PPP2R2A: variants seen among roughly 807,000 people sequenced by gnomAD.
PPP2R2A encodes serine/threonine-protein phosphatase 2A 55 kDa regulatory subunit B alpha isoform.
A neutral mutation model predicts 53.2 loss-of-function variants in PPP2R2A; 9 were observed. That is an observed-to-expected ratio of 0.17 (90% confidence interval 0.10 to 0.30). PPP2R2A has a LOEUF of 0.30. Ranked by LOEUF, PPP2R2A falls within the 10% of genes least tolerant of loss-of-function variation. The pLI is 1.00. For synonymous variants in PPP2R2A, 169 were observed against 174.2 expected, an observed-to-expected ratio of 0.97 and a Z score of 0.23; for missense variants, 235 against 534.6, an observed-to-expected ratio of 0.44 and a Z score of 5.53.
intron 2 of PPP2R2A, among the ~76,000 whole-genome samples, chr8:26,324,453 G>T (rs980172701): frequency 6.6e-6 from 1 of 152,170 alleles, no homozygotes; most frequent in Non-Finnish European, 1.5e-5. Flanking sequence ...TGAGCCTGTG[G>T]GTGCACAGAA....
chr8:26,322,111 TTGAAGTTTAAAGAGCAGC>T (rs984760571), intron 2 of PPP2R2A, among the ~76,000 whole-genome samples: 20 of 152,210 alleles, frequency 1.3e-4, no homozygotes, highest in African/African-American at 4.6e-4. Context: ...AGAGAAACTG[TTGAAGTTTAAAGAGCAGC>T]TAATTAGTTG....
chr8:26,293,619 C>A, intron 1 of PPP2R2A, 47 bp from the exon 2 acceptor site: 1 of 1,550,200 alleles, frequency 6.5e-7, no homozygotes, highest in South Asian at 1.1e-5. Context: ...TTACGAGAGT[C>A]AACATAAGCA....
intron 2 of PPP2R2A, among the ~76,000 whole-genome samples, chr8:26,301,692 T>C (rs1340276419): frequency 1.3e-5 from 2 of 152,216 alleles, no homozygotes; most frequent in African/African-American, 4.8e-5. Flanking sequence ...GTAGCTGCCA[T>C]CAAAATTGAT....
chr8:26,346,471 A>G (rs1254611664), intron 3 of PPP2R2A, among the ~76,000 whole-genome samples: 1 of 152,180 alleles, frequency 6.6e-6, no homozygotes, highest in African/African-American at 2.4e-5. Flanking sequence ...AAATTTTTTC[A>G]CATGGATTTA....
intron 2 of PPP2R2A, among the ~76,000 whole-genome samples, chr8:26,308,138 A>G (rs954850368): frequency 3.9e-5 from 6 of 152,380 alleles, no homozygotes; most frequent in Admixed American, 3.9e-4. Context: ...ATTAAAAAGT[A>G]CATTATTGCT....
intron 3 of PPP2R2A, among the ~76,000 whole-genome samples, chr8:26,347,196 A>G (rs1804262750): frequency 6.6e-6 from 1 of 150,902 alleles, no homozygotes; most frequent in Non-Finnish European, 1.5e-5. Context: ...TTAATCTAAC[A>G]CCAGGTAGGG....
intron 2 of PPP2R2A, among the ~76,000 whole-genome samples, chr8:26,336,683 C>G (rs1227923825): frequency 6.6e-6 from 1 of 151,864 alleles, no homozygotes; most frequent in Non-Finnish European, 1.5e-5. Flanking sequence ...TCGAGACTAC[C>G]TTGAGCAACA....
At chr8:26,335,216 T>G (rs1173412515) in intron 2 of PPP2R2A, among the ~76,000 whole-genome samples, 1 of 152,182 alleles carries the variant, frequency 6.6e-6, no homozygotes, top group Non-Finnish European at 1.5e-5. Flanking sequence ...TTGAATTCAT[T>G]CTCCCTTCTT....
intron 2 of PPP2R2A, among the ~76,000 whole-genome samples, chr8:26,313,504 G>A (rs1325850014): frequency 6.6e-6 from 1 of 152,190 alleles, no homozygotes; most frequent in African/African-American, 2.4e-5. Context: ...CACAGTTGTA[G>A]TAGACTGGAT....
intron 1 of PPP2R2A, chr8:26,292,108 G>T: frequency 8.2e-7 from 1 of 1,221,644 alleles, no homozygotes; most frequent in Non-Finnish European, 1.0e-6. Flanking sequence ...GGGCGGGGTG[G>T]GGGTGCGTGC....
rs148054680 is a variant in PPP2R2A at position 26,324,718 on chromosome 8, C to T, written c.83-14172C>T. Among the ~76,000 whole-genome samples the T allele has an allele frequency of 6.3e-3, 954 of 152,200 alleles. 11 individuals are homozygous for T. The highest frequency in any genetic ancestry group is 0.022 in the African/African-American group (894 of 41,542). On this transcript the variant is annotated intron_variant, in intron 2 of 9. Coordinates refer to ENST00000380737, the MANE Select transcript of PPP2R2A (RefSeq NM_002717.4). ...TCCACCGACAGCTTGCACCATGCCC[C>T]GGGAAAAGCTGCAGACAATCCACAC...
intron 4 of PPP2R2A, among the ~76,000 whole-genome samples, chr8:26,356,519 G>A (rs937072394): frequency 6.6e-6 from 1 of 152,168 alleles, no homozygotes; most frequent in African/African-American, 2.4e-5. Context: ...GTTTATTCCT[G>A]TCATATGCTA....
At chr8:26,324,627 A>G (rs984423636) in intron 2 of PPP2R2A, among the ~76,000 whole-genome samples, 5 of 151,626 alleles carry the variant, frequency 3.3e-5, no homozygotes, top group African/African-American at 9.8e-5. Context: ...CAGAGTCCCT[A>G]CTGGGGCATT....
At chr8:26,361,952 ACT>A (rs1435410861) in intron 6 of PPP2R2A, among the ~76,000 whole-genome samples, 2 of 149,676 alleles carry the variant, frequency 1.3e-5, no homozygotes, top group Non-Finnish European at 3.0e-5. Flanking sequence ...CAAGAGTGAA[ACT>A]CTGTCTCAAA....
At chr8:26,308,911 A>G (rs1431337205) in intron 2 of PPP2R2A, among the ~76,000 whole-genome samples, 1 of 152,142 alleles carries the variant, frequency 6.6e-6, no homozygotes, top group Non-Finnish European at 1.5e-5. Flanking sequence ...CCCAGGCTGC[A>G]GTGCAGTGGT....
chr8:26,334,891 A>C (rs532569638), intron 2 of PPP2R2A, among the ~76,000 whole-genome samples: 2 of 152,320 alleles, frequency 1.3e-5, no homozygotes, highest in South Asian at 4.1e-4. Context: ...ATTTTCTAAA[A>C]ACCTGGATAC....
At chr8:26,365,413 C>G (rs546703714) in intron 8 of PPP2R2A, 18 of 152,136 alleles carry the variant, frequency 1.2e-4, no homozygotes, top group African/African-American at 4.3e-4. Flanking sequence ...CTGAATCATT[C>G]CACTATATTT....
At chr8:26,311,132 G>A (rs1434863721) in intron 2 of PPP2R2A, among the ~76,000 whole-genome samples, 3 of 152,280 alleles carry the variant, frequency 2.0e-5, no homozygotes, top group African/African-American at 7.2e-5. Flanking sequence ...TTTCTTATCT[G>A]TAAATGGGAA....
intron 2 of PPP2R2A, among the ~76,000 whole-genome samples, chr8:26,305,724 CCTT>C (rs1284816442): frequency 1.3e-5 from 2 of 152,136 alleles, no homozygotes; most frequent in African/African-American, 4.8e-5. Flanking sequence ...ACTGTGAAAA[CCTT>C]CTCTAATGCC....
Sources: gnomAD v4.1 joint callset for allele counts (sites outside exome capture counted in the v4.1 genomes callset) on GRCh38, gnomAD v4.1.1 for gene constraint, MANE v1.5 for transcripts, NCBI Gene and HGNC (gene_info 2026-07-23, HGNC 2026-07-21) for gene names.